The following NOP14 variants were observed in gnomAD, a reference collection of about 807,000 sequenced individuals.
NOP14 encodes the protein NOP14 nucleolar protein.
A neutral mutation model predicts 101.6 loss-of-function variants in NOP14; 57 were observed. The ratio of observed to expected loss-of-function variants is 0.56; its 90% CI spans 0.45 to 0.70. NOP14 has a LOEUF of 0.70. Ranked by LOEUF, NOP14 falls within the 30% of genes least tolerant of loss-of-function variation. The pLI is 0.00. For synonymous variants in NOP14, 428 were observed against 424.0 expected, an observed-to-expected ratio of 1.01 and a Z score of -0.12; for missense variants, 1,134 against 1,075.5, an observed-to-expected ratio of 1.05 and a Z score of -0.76.
At position 2,942,856 on chromosome 4, in the gene NOP14, T is replaced by C. The variant is rs138391014; in HGVS notation, c.1892-505A>G. On this transcript the variant is annotated intron_variant, in intron 13 of 17. Coordinates refer to ENST00000416614, the MANE Select transcript of NOP14 (RefSeq NM_001291978.2). Reference sequence around the variant, plus strand: ...AAGGCCTGTAGGACGCAGGAGTCAATTCACTCGCCACGGAGAAGGGCAATC... The same window carrying C: ...AAGGCCTGTAGGACGCAGGAGTCAACTCACTCGCCACGGAGAAGGGCAATC... 9.8e-4 allele frequency among the ~76,000 whole-genome samples: 149 copies of C among 151,946 alleles called. 1 individual carries two copies. Among genetic ancestry groups the C allele is most frequent in the Admixed American group, 3.6e-3 (55 of 15,276 alleles).
At chr4:2,963,019 T>C (rs1716223278) in intron 1 of NOP14, 106 bp downstream of exon 1, 3 of 1,184,034 alleles carry the variant, frequency 2.5e-6, no homozygotes, top group South Asian at 3.2e-5. Context: ...TGTCACGGCC[T>C]GTGCCGCTCA....
Position 2,938,834 on chromosome 4 carries a change from T to C in NOP14, c.2571A>G (p.Lys857=), listed in dbSNP as rs1254515624. ...WKALKRKKFK[K] ...TGCCTTATTTATAAAATGTAATTTA[T>C]TTTTTGAACTTTTTCCTCTTCAGAG... Residue 857 remains lysine, a synonymous_variant, in exon 18 of 18, where the codon AAA becomes AAG. Transcript: ENST00000416614. 15 of 1,611,500 alleles carry C rather than the reference T, an allele frequency of 9.3e-6. No individual in the cohort carries two copies. Among genetic ancestry groups the C allele is most frequent in the South Asian group, 6.6e-5 (6 of 90,930 alleles).
At chr4:2,939,067 C>A in intron 17 of NOP14, 121 bp downstream of exon 17, 1 of 1,523,598 alleles carries the variant, frequency 6.6e-7, no homozygotes, top group Non-Finnish European at 9.0e-7. Flanking sequence ...ACCTGCCTGG[C>A]TCCAACCCCC....
chr4:2,949,699 G>A (rs1007389226), intron 8 of NOP14, among the ~76,000 whole-genome samples: 1 of 152,176 alleles, frequency 6.6e-6, no homozygotes, highest in African/African-American at 2.4e-5. Context: ...TACCACTAGA[G>A]AGAGGCGCAT....
intron 2 of NOP14, 61 bp from the exon 3 acceptor site, chr4:2,956,872 AAGAT>A: frequency 7.4e-7 from 1 of 1,355,468 alleles, no homozygotes; most frequent in Non-Finnish European, 1.0e-6. Flanking sequence ...CAAAAAAAAA[AAGAT>A]AAGGTAGATA....
chr4:2,944,339 A>T, intron 12 of NOP14, 113 bp from the exon 13 acceptor site: 1 of 852,332 alleles, frequency 1.2e-6, no homozygotes, highest in Non-Finnish European at 1.8e-6. Flanking sequence ...ACAAGTACAG[A>T]GGGAACCCCC....
chr4:2,956,844 AC>A, intron 2 of NOP14, 33 bp from the exon 3 acceptor site: 2 of 1,553,218 alleles, frequency 1.3e-6, no homozygotes, highest in Non-Finnish European at 1.7e-6. Flanking sequence ...TCCTAAAATT[AC>A]CACTTCCATT....
intron 3 of NOP14, among the ~76,000 whole-genome samples, chr4:2,955,755 G>A (rs549720812): frequency 6.6e-6 from 1 of 152,374 alleles, no homozygotes; most frequent in East Asian, 1.9e-4. Context: ...AGGCACAGAG[G>A]GGTTAAAATA....
chr4:2,953,769 G>A, intron 4 of NOP14, 124 bp from the exon 5 acceptor site: 1 of 1,034,248 alleles, frequency 9.7e-7, no homozygotes, highest in South Asian at 1.6e-5. Flanking sequence ...TTTCAACACA[G>A]AAAAGAGGCC....
Position 2,957,597 on chromosome 4 carries a change from T to C in NOP14, c.330+9A>G, listed in dbSNP as rs755472641. ...ACAGCAAAAACCCTCCTCCAGTTTC[T>C]TTCCATACCTGCTGTTCCAGAGCAA... On this transcript the variant is annotated intron_variant, in intron 2 of 17. Transcript: ENST00000416614. The C allele has an allele frequency of 6.2e-7, 1 of 1,613,632 alleles. No individual in the cohort carries two copies. The highest frequency in any genetic ancestry group is 8.5e-7 in the Non-Finnish European group (1 of 1,179,836).
At chr4:2,951,769 G>C (rs1237472617) in intron 6 of NOP14, among the ~76,000 whole-genome samples, 2 of 152,114 alleles carry the variant, frequency 1.3e-5, no homozygotes, top group Admixed American at 6.6e-5. Context: ...TTTGAGAACA[G>C]CCTAGGCAAC....
At chr4:2,939,487 C>T (rs1713966643) in intron 16 of NOP14, 40 bp downstream of exon 16, 1 of 1,604,594 alleles carries the variant, frequency 6.2e-7, no homozygotes, top group African/African-American at 1.3e-5. Context: ...CCACTGAGCC[C>T]ACAGCCCTGG....
At position 2,942,150 on chromosome 4, in the gene NOP14, C is replaced by T. The variant is rs773125467; in HGVS notation, c.2051+42G>A. 23 of 1,577,722 alleles carry T rather than the reference C, an allele frequency of 1.5e-5. 1 individual carries two copies. The highest frequency in any genetic ancestry group is 3.4e-4 in the Middle Eastern group (2 of 5,902). ...GAGTGGCTTCTCCTGCCTCTGGGGA[C>T]GCTGTAGGGCACAGGCCCCAAAGCG... is the stretch of plus-strand genomic sequence containing the variant. On this transcript the variant is annotated intron_variant, in intron 14 of 17. Coordinates refer to ENST00000416614, the MANE Select transcript of NOP14 (RefSeq NM_001291978.2).
intron 1 of NOP14, among the ~76,000 whole-genome samples, chr4:2,961,192 C>CTATTA (rs1270113903): frequency 1.1e-3 from 4 of 3,480 alleles, no homozygotes; most frequent in African/African-American, 2.7e-3. Context: ...TATTAATATG[C>CTATTA]TAATATTATA....
At position 2,942,858 on chromosome 4, in the gene NOP14, C is replaced by A. The variant is rs149263672; in HGVS notation, c.1892-507G>T. ...GGCCTGTAGGACGCAGGAGTCAATT[C>A]ACTCGCCACGGAGAAGGGCAATCCA... On this transcript the variant is annotated intron_variant, in intron 13 of 17. Coordinates refer to ENST00000416614, the MANE Select transcript of NOP14 (RefSeq NM_001291978.2). 2.5e-3 allele frequency among the ~76,000 whole-genome samples: 388 copies of A among 152,200 alleles called. 2 individuals carry two copies. Among genetic ancestry groups the A allele is most frequent in the Middle Eastern group, 0.02 (6 of 294 alleles).
Position 2,938,061 on chromosome 4 carries a change from G to A in NOP14, c.*770C>T, listed in dbSNP as rs912903990. The A allele has an allele frequency of 1.2e-5, 6 of 508,706 alleles. No homozygotes were observed. The highest frequency in any genetic ancestry group is 6.2e-5 in the African/African-American group (3 of 48,452). The allele number at this position is 508,706 out of a possible 1,614,324, so 31.5% of individuals were successfully genotyped here. A position where few individuals can be genotyped will look rare whatever the true frequency, so the allele number is the denominator to read the frequency against. ...CAGTCCCCATGAGGCTTGTCCAGAC[G>A]CAGTGAACCAGTCGCAGCTGATAAC... On this transcript the variant is annotated 3_prime_UTR_variant, in exon 18 of 18. Coordinates refer to ENST00000416614, the MANE Select transcript of NOP14 (RefSeq NM_001291978.2).
rs781450117 is a variant in NOP14 at position 2,939,660 on chromosome 4, A to G, written c.2200-15T>C. On this transcript the variant is annotated splice_polypyrimidine_tract_variant and intron_variant, in intron 15 of 17. Coordinates refer to ENST00000416614, the MANE Select transcript of NOP14 (RefSeq NM_001291978.2). ...TGACACAGCTCCTGAAAAACACGAAATCCCCGACTCTGCGATGACTCACCT... is the reference window on the plus strand; with the variant it reads ...TGACACAGCTCCTGAAAAACACGAAGTCCCCGACTCTGCGATGACTCACCT... 1.1e-5 allele frequency: 18 copies of G among 1,593,798 alleles called. No individual in the cohort carries two copies. The South Asian group carries it at 1.7e-4, about 15-fold the overall frequency.
chr4:2,956,853 A>G (rs371445305), intron 2 of NOP14, 42 bp from the exon 3 acceptor site: 7 of 1,504,952 alleles, frequency 4.7e-6, no homozygotes, highest in Non-Finnish European at 6.3e-6. Context: ...TACCACTTCC[A>G]TTTCACAGCA....
chr4:2,939,407 C>G, intron 16 of NOP14, 64 bp from the exon 17 acceptor site: 1 of 1,608,902 alleles, frequency 6.2e-7, no homozygotes, highest in African/African-American at 1.3e-5. Flanking sequence ...CCAGAGCCTG[C>G]TTGGGAGTGT....
Sources: gnomAD v4.1 joint callset for allele counts (sites outside exome capture counted in the v4.1 genomes callset) on GRCh38, gnomAD v4.1.1 for gene constraint, MANE v1.5 for transcripts, NCBI Gene and HGNC (gene_info 2026-07-23, HGNC 2026-07-21) for gene names.